GNG7: variants seen among roughly 807,000 people sequenced by gnomAD.
GNG7 encodes G protein subunit gamma 7, also known as guanine nucleotide-binding protein G(I)/G(S)/G(O) subunit gamma-7.
GNG7 carries 1 observed loss-of-function variant against 4.0 expected under a neutral mutation model. That is an observed-to-expected ratio of 0.25 (90% CI 0.09 to 1.18). GNG7 has a LOEUF of 1.18. Among genes scored for constraint, GNG7 ranks in the 50% most tolerant of loss-of-function variants. The probability of loss-of-function intolerance (pLI) is 0.50; values close to 1 mark genes in which losing one functional copy is unlikely to be tolerated. For missense variants in GNG7, 86 were observed against 91.9 expected, an observed-to-expected ratio of 0.94 and a Z score of 0.26; for synonymous variants, 34 against 36.9, an observed-to-expected ratio of 0.92 and a Z score of 0.29.
chr19:2,561,386 C>A (rs941165307), intron 2 of GNG7, among the ~76,000 whole-genome samples: 3 of 152,150 alleles, frequency 2.0e-5, no homozygotes, highest in African/African-American at 7.2e-5. Context: ...GCCCCAATAT[C>A]CACGGTGCCC....
intron 2 of GNG7, among the ~76,000 whole-genome samples, chr19:2,570,668 T>C (rs1256103936): frequency 1.3e-5 from 2 of 152,118 alleles, no homozygotes; most frequent in African/African-American, 4.8e-5. Context: ...GTCTCAGCCA[T>C]GAACAGAAGG....
intron 2 of GNG7, among the ~76,000 whole-genome samples, chr19:2,597,633 A>C (rs1000193212): frequency 1.3e-5 from 2 of 151,344 alleles, no homozygotes; most frequent in Non-Finnish European, 2.9e-5. Flanking sequence ...GTGGTGGCTC[A>C]CACCTGTAAT....
At chr19:2,515,661 C>T (rs1406646606) in intron 4 of GNG7, among the ~76,000 whole-genome samples, 7 of 151,726 alleles carry the variant, frequency 4.6e-5, no homozygotes, top group Admixed American at 2.0e-4. Context: ...CTCCTGACCT[C>T]GCGATATGCC....
chr19:2,521,277 T>G lies in GNG7; in HGVS notation c.-37-552A>C, dbSNP rs189842284. Among the ~76,000 whole-genome samples, 355 of 150,178 alleles carry G rather than the reference T, an allele frequency of 2.4e-3. 2 individuals carry two copies. Among genetic ancestry groups the G allele is most frequent in the African/African-American group, 8.3e-3 (341 of 40,880 alleles). On this transcript the variant is annotated intron_variant, in intron 3 of 4. Coordinates refer to ENST00000382159, the MANE Select transcript of GNG7 (RefSeq NM_052847.3). ...CAAGACTCCGTCTCAAAAAAAAAAA[T>G]AAAGAAAAAATAAAGAAAGGGCAAA...
At chr19:2,652,100 G>A (rs753710648) in intron 1 of GNG7, among the ~76,000 whole-genome samples, 20 of 151,946 alleles carry the variant, frequency 1.3e-4, no homozygotes, top group Admixed American at 2.0e-4. Flanking sequence ...GCTTGAACCC[G>A]GGAGACAGTG....
At position 2,616,764 on chromosome 19, in the gene GNG7, C is replaced by T. The variant is rs538316183; in HGVS notation, c.-78+29460G>A. ...CATCGCACTCCAGCCTGAGCAAAACCCCATCTCAAAAAAAAAAACCAGACA... is the reference window on the plus strand; with the variant it reads ...CATCGCACTCCAGCCTGAGCAAAACTCCATCTCAAAAAAAAAAACCAGACA... On this transcript the variant is annotated intron_variant, in intron 2 of 4. Transcript: ENST00000382159. 5.1e-3 allele frequency among the ~76,000 whole-genome samples: 780 copies of T among 151,868 alleles called. 4 individuals carry two copies. Among genetic ancestry groups the T allele is most frequent in the Non-Finnish European group, 8.7e-3 (588 of 67,880 alleles).
intron 4 of GNG7, among the ~76,000 whole-genome samples, chr19:2,520,176 G>A (rs910963539): frequency 3.9e-5 from 6 of 151,956 alleles, no homozygotes; most frequent in Admixed American, 1.3e-4. Context: ...GCAAGACTCC[G>A]TCTCAAACAA....
intron 2 of GNG7, among the ~76,000 whole-genome samples, chr19:2,628,432 C>T (rs1982072896): frequency 6.6e-6 from 1 of 152,278 alleles, no homozygotes; most frequent in South Asian, 2.1e-4. Context: ...GGACCCTCCA[C>T]AGGCAGCTCA....
chr19:2,635,039 T>C (rs1043544528), intron 2 of GNG7, among the ~76,000 whole-genome samples: 4 of 152,156 alleles, frequency 2.6e-5, no homozygotes, highest in Admixed American at 2.6e-4. Flanking sequence ...TCACCCGGGT[T>C]CTGTGGACAT....
At chr19:2,565,544 C>A (rs868851234) in intron 2 of GNG7, among the ~76,000 whole-genome samples, 7 of 151,294 alleles carry the variant, frequency 4.6e-5, no homozygotes, top group Non-Finnish European at 7.4e-5. Context: ...AAGCTGTTTG[C>A]GTCAAAGGAA....
At chr19:2,586,067 C>T (rs542423660) in intron 2 of GNG7, among the ~76,000 whole-genome samples, 1 of 152,296 alleles carries the variant, frequency 6.6e-6, no homozygotes, top group South Asian at 2.1e-4. Flanking sequence ...AATATTTTTT[C>T]AGCAACAAGC....
At chr19:2,691,408 G>T (rs1219043052) in intron 1 of GNG7, among the ~76,000 whole-genome samples, 1 of 152,024 alleles carries the variant, frequency 6.6e-6, no homozygotes, top group Non-Finnish European at 1.5e-5. Flanking sequence ...GCCAGTCGTG[G>T]TGTTACATGC....
chr19:2,527,323 C>T (rs1978437424), intron 3 of GNG7, among the ~76,000 whole-genome samples: 1 of 152,170 alleles, frequency 6.6e-6, no homozygotes, highest in Non-Finnish European at 1.5e-5. Context: ...GACGGCACCA[C>T]TCCCACCGGC....
intron 2 of GNG7, among the ~76,000 whole-genome samples, chr19:2,623,102 T>C (rs1981926732): frequency 6.6e-6 from 1 of 152,136 alleles, no homozygotes; most frequent in South Asian, 2.1e-4. Context: ...GGCTGTAGTA[T>C]CAAACCCAGA....
At chr19:2,631,501 T>C (rs1982157600) in intron 2 of GNG7, among the ~76,000 whole-genome samples, 1 of 152,234 alleles carries the variant, frequency 6.6e-6, no homozygotes, top group Non-Finnish European at 1.5e-5. Context: ...GGTAAATGAA[T>C]GTCTGTGGCC....
At chr19:2,590,570 C>T (rs1157755629) in intron 2 of GNG7, among the ~76,000 whole-genome samples, 7 of 144,598 alleles carry the variant, frequency 4.8e-5, no homozygotes, top group Admixed American at 4.1e-4. Flanking sequence ...CTCATCCATT[C>T]ACCCATTCAT....
chr19:2,533,315 G>A (rs1178809946), intron 3 of GNG7, among the ~76,000 whole-genome samples: 2 of 151,564 alleles, frequency 1.3e-5, no homozygotes, highest in African/African-American at 4.8e-5. Context: ...CTGGATATTA[G>A]AGGTGCATAT....
rs145169268 is a variant in GNG7, at chr19:2,685,708, T to A, written c.-135+16938A>T. On this transcript the variant is annotated intron_variant, in intron 1 of 4. Transcript: ENST00000382159. Reference sequence around the variant, plus strand: ...CAGAGACGGGGGACAGGGTGGGAAGTCACGAGGCCCCGTCCACTGTGTGTC... The same window carrying A: ...CAGAGACGGGGGACAGGGTGGGAAGACACGAGGCCCCGTCCACTGTGTGTC... 2.2e-3 allele frequency among the ~76,000 whole-genome samples: 342 copies of A among 152,102 alleles called. 2 individuals are homozygous for A. The highest frequency in any genetic ancestry group is 7.9e-3 in the African/African-American group (326 of 41,498).
At chr19:2,622,085 T>G (rs116667091) in intron 2 of GNG7, among the ~76,000 whole-genome samples, 20 of 151,114 alleles carry the variant, frequency 1.3e-4, no homozygotes, top group Non-Finnish European at 2.8e-4. Flanking sequence ...TTTTTTTTTT[T>G]TCTCTCTCTT....
Sources: gnomAD v4.1 joint callset for allele counts (sites outside exome capture counted in the v4.1 genomes callset) on GRCh38, gnomAD v4.1.1 for gene constraint, MANE v1.5 for transcripts, NCBI Gene and HGNC (gene_info 2026-07-23, HGNC 2026-07-21) for gene names.